The following SOX6 variants were observed in gnomAD, a reference collection of about 807,000 sequenced individuals.
SOX6 encodes transcription factor SOX-6.
A neutral mutation model predicts 97.8 loss-of-function variants in SOX6; 11 were observed. The ratio of observed to expected loss-of-function variants is 0.11; its 90% confidence interval spans 0.07 to 0.19. SOX6 has a LOEUF of 0.19. Ranked by LOEUF, SOX6 falls within the 10% of genes least tolerant of loss-of-function variation. The pLI is 1.00. For missense variants in SOX6, 810 were observed against 1,039.5 expected (o/e 0.78, Z 3.04); for synonymous variants, 360 against 371.4 (o/e 0.97, Z 0.35).
Position 16,185,082 on chromosome 11 carries a change from A to C in SOX6, c.709-1128T>G, listed in dbSNP as rs117277372. On this transcript the variant is annotated intron_variant, in intron 5 of 15. Transcript: ENST00000683767. ...TAGCCTATGCAGGGGGTAGTGCCCA[A>C]ATTATATTTCATTCAGCACAAGATG... Among the ~76,000 whole-genome samples, 832 of 152,244 alleles carry C rather than the reference A, an allele frequency of 5.5e-3. 13 individuals carry two copies. Among genetic ancestry groups the C allele is most frequent in the Non-Finnish European group, 6.5e-3 (439 of 68,002 alleles).
At chr11:16,140,796 A>T (rs1428165743) in intron 6 of SOX6, among the ~76,000 whole-genome samples, 5 of 152,236 alleles carry the variant, frequency 3.3e-5, no homozygotes, top group Non-Finnish European at 5.9e-5. Flanking sequence ...ATGTTCTGCC[A>T]TGAATAGTGG....
At chr11:16,295,100 A>T in intron 3 of SOX6, among the ~76,000 whole-genome samples, 1 of 152,144 alleles carries the variant, frequency 6.6e-6, no homozygotes. Flanking sequence ...ATTATTGTTC[A>T]TGTAGATTTA....
chr11:16,449,557 G>T (rs1859681234), intron 1 of SOX6, among the ~76,000 whole-genome samples: 1 of 152,108 alleles, frequency 6.6e-6, no homozygotes. Context: ...CTCCCAAAGT[G>T]TTGGGATTAC....
chr11:16,345,958 A>T (rs1002586488), intron 1 of SOX6, among the ~76,000 whole-genome samples: 1 of 152,024 alleles, frequency 6.6e-6, no homozygotes, highest in African/African-American at 2.4e-5. Context: ...TGAATTTTTG[A>T]AAATATTTCC....
intron 1 of SOX6, among the ~76,000 whole-genome samples, chr11:16,368,924 G>C (rs1857430364): frequency 6.6e-6 from 1 of 152,058 alleles, no homozygotes; most frequent in Admixed American, 6.6e-5. Flanking sequence ...GCAAAAATTT[G>C]AATAGATATT....
At chr11:16,637,185 T>C (rs1482372938) in intron 3 of SOX6, among the ~76,000 whole-genome samples, 1 of 152,198 alleles carries the variant, frequency 6.6e-6, no homozygotes, top group Middle Eastern at 3.2e-3. Flanking sequence ...CTTTTTTAGA[T>C]TTACTATTCT....
At chr11:16,267,899 A>T (rs955993384) in intron 3 of SOX6, among the ~76,000 whole-genome samples, 1 of 151,568 alleles carries the variant, frequency 6.6e-6, no homozygotes, top group Non-Finnish European at 1.5e-5. Flanking sequence ...TTGCAATAAC[A>T]TGGATGGAAT....
At chr11:16,587,748 C>G (rs1023008708) in intron 4 of SOX6, among the ~76,000 whole-genome samples, 3 of 152,192 alleles carry the variant, frequency 2.0e-5, no homozygotes, top group Admixed American at 2.0e-4. Context: ...CTCTTGAGTG[C>G]TAGTTGCACT....
intron 7 of SOX6, among the ~76,000 whole-genome samples, chr11:16,100,619 A>G (rs1387885816): frequency 6.6e-6 from 1 of 151,700 alleles, no homozygotes; most frequent in Non-Finnish European, 1.5e-5. Context: ...AGAAACTGAC[A>G]TGAAGCAGAA....
At chr11:16,305,934 A>G (rs528868765) in intron 3 of SOX6, among the ~76,000 whole-genome samples, 7 of 152,306 alleles carry the variant, frequency 4.6e-5, no homozygotes, top group Non-Finnish European at 8.8e-5. Context: ...TTGGTATAGA[A>G]GGTGAGGGAT....
At chr11:16,097,108 C>G (rs1003710741) in intron 8 of SOX6, among the ~76,000 whole-genome samples, 4 of 151,822 alleles carry the variant, frequency 2.6e-5, no homozygotes, top group African/African-American at 7.2e-5. Context: ...CATGCCCTGA[C>G]TTTTGACCCT....
chr11:16,496,998 C>T (rs887664472), intron 4 of SOX6, among the ~76,000 whole-genome samples: 7 of 152,202 alleles, frequency 4.6e-5, no homozygotes, highest in African/African-American at 1.4e-4. Context: ...AGCTGGAGAT[C>T]TGAGAACGGA....
chr11:16,624,717 G>A (rs1281658227), intron 3 of SOX6, among the ~76,000 whole-genome samples: 2 of 152,104 alleles, frequency 1.3e-5, no homozygotes, highest in African/African-American at 2.4e-5. Context: ...TTCCAAAGTG[G>A]TCATATCATT....
At chr11:16,019,808 C>T (rs1237765655) in intron 12 of SOX6, among the ~76,000 whole-genome samples, 5 of 151,958 alleles carry the variant, frequency 3.3e-5, no homozygotes, top group Non-Finnish European at 2.9e-5. Context: ...CCCCACTAAT[C>T]GTGTTTTGTG....
At chr11:16,046,089 AT>A (rs1855819917) in intron 12 of SOX6, among the ~76,000 whole-genome samples, 2 of 152,070 alleles carry the variant, frequency 1.3e-5, no homozygotes, top group South Asian at 4.2e-4. Flanking sequence ...GTTTTGCTTC[AT>A]TTTTTTGTCC....
chr11:16,225,079 A>G (rs1026222536), intron 4 of SOX6, among the ~76,000 whole-genome samples: 5 of 152,074 alleles, frequency 3.3e-5, no homozygotes, highest in South Asian at 2.1e-4. Flanking sequence ...CTGTTGTGAC[A>G]ATCTTTTTTA....
chr11:16,118,832 G>C (rs1849418128), intron 6 of SOX6, among the ~76,000 whole-genome samples: 1 of 152,168 alleles, frequency 6.6e-6, no homozygotes, highest in South Asian at 2.1e-4. Flanking sequence ...CTGAGTTAAA[G>C]ACAGTGCAAA....
intron 4 of SOX6, among the ~76,000 whole-genome samples, chr11:16,572,163 G>A (rs979972334): frequency 6.6e-6 from 1 of 151,896 alleles, no homozygotes; most frequent in African/African-American, 2.4e-5. Context: ...AAAAAAAATT[G>A]TATTTACTAT....
chr11:16,222,907 T>G (rs1205377864), intron 4 of SOX6, among the ~76,000 whole-genome samples: 1 of 152,140 alleles, frequency 6.6e-6, no homozygotes. Flanking sequence ...TTCAGTCTTT[T>G]TTAAAATAAT....
Sources: allele counts gnomAD v4.1 joint callset (sites outside exome capture counted in the v4.1 genomes callset), GRCh38; gene constraint gnomAD v4.1.1; transcripts MANE v1.5; gene names NCBI Gene and HGNC (gene_info 2026-07-23, HGNC 2026-07-21).